Variants in NELL1 observed in about 807,000 individuals in gnomAD.
NELL1 encodes neural EGFL like 1.
In NELL1, 76 loss-of-function variants were observed where a neutral mutation model predicts 107.4. The ratio of observed to expected loss-of-function variants is 0.71; its 90% CI spans 0.59 to 0.86. The LOEUF is 0.86. NELL1 is among the 40% of genes least tolerant of loss of function. The pLI, the probability that NELL1 is intolerant of heterozygous loss-of-function variation, is 0.00. For synonymous variants in NELL1, 353 were observed against 341.2 expected, an observed-to-expected ratio of 1.03 and a Z score of -0.38; for missense variants, 1,024 against 1,005.5, an observed-to-expected ratio of 1.02 and a Z score of -0.25.
chr11:20,850,746 A>G (rs1442478869), intron 4 of NELL1, among the ~76,000 whole-genome samples: 1 of 152,180 alleles, frequency 6.6e-6, no homozygotes, highest in Non-Finnish European at 1.5e-5. Context: ...CTGCTTGGAA[A>G]GATGTGAAAT....
At chr11:21,019,533 A>C (rs1852649745) in intron 12 of NELL1, among the ~76,000 whole-genome samples, 1 of 151,950 alleles carries the variant, frequency 6.6e-6, no homozygotes, top group South Asian at 2.1e-4. Flanking sequence ...GGGCAATTTT[A>C]CCTTTCAGGG....
intron 2 of NELL1, among the ~76,000 whole-genome samples, chr11:20,732,807 C>G (rs977035401): frequency 3.3e-5 from 5 of 152,090 alleles, no homozygotes; most frequent in Admixed American, 2.0e-4. Context: ...AGCTTATTGT[C>G]GGCGGGGAGG....
At chr11:21,077,138 C>T (rs893971002) in intron 12 of NELL1, among the ~76,000 whole-genome samples, 2 of 152,072 alleles carry the variant, frequency 1.3e-5, no homozygotes, top group East Asian at 1.9e-4. Flanking sequence ...TCATTCACAC[C>T]GAGTTGCTCT....
intron 10 of NELL1, among the ~76,000 whole-genome samples, chr11:20,939,297 G>A (rs1850797218): frequency 6.6e-6 from 1 of 151,696 alleles, no homozygotes; most frequent in African/African-American, 2.4e-5. Flanking sequence ...GGCTAACGTA[G>A]GTAAAAATGA....
intron 14 of NELL1, among the ~76,000 whole-genome samples, chr11:21,257,289 G>A (rs971043504): frequency 2.6e-5 from 4 of 152,008 alleles, no homozygotes; most frequent in Non-Finnish European, 4.4e-5. Flanking sequence ...ATATTTTAAA[G>A]CTAGTTTCAT....
chr11:21,339,489 C>T (rs1310154339), intron 14 of NELL1, among the ~76,000 whole-genome samples: 1 of 152,154 alleles, frequency 6.6e-6, no homozygotes. Flanking sequence ...TATGGTAGCC[C>T]AAGGAAACAA....
intron 15 of NELL1, among the ~76,000 whole-genome samples, chr11:21,517,819 A>C (rs1452817960): frequency 6.6e-6 from 1 of 152,010 alleles, no homozygotes; most frequent in Non-Finnish European, 1.5e-5. Context: ...TCTACATACT[A>C]AAGTGGTTTT....
intron 12 of NELL1, among the ~76,000 whole-genome samples, chr11:20,978,012 G>A (rs1400373): frequency 0.17 from 25,311 of 152,138 alleles, 2,416 homozygotes; most frequent in Middle Eastern, 0.28. Context: ...ATTCTGCAAT[G>A]CTATTTCTCA....
At chr11:21,569,633 T>A (rs527875497) in intron 17 of NELL1, among the ~76,000 whole-genome samples, 2 of 151,884 alleles carry the variant, frequency 1.3e-5, no homozygotes, top group Non-Finnish European at 2.9e-5. Context: ...TTCTAAAAAC[T>A]GAAGAATTGA....
intron 3 of NELL1, among the ~76,000 whole-genome samples, chr11:20,823,858 C>T (rs962813734): frequency 6.6e-6 from 1 of 151,196 alleles, no homozygotes; most frequent in African/African-American, 2.4e-5. Flanking sequence ...CCGAAGAAAG[C>T]CTCACACAAT....
chr11:20,750,682 G>T (rs1167901006), intron 2 of NELL1, among the ~76,000 whole-genome samples: 1 of 151,914 alleles, frequency 6.6e-6, no homozygotes, highest in Non-Finnish European at 1.5e-5. Context: ...GAATTCTTGG[G>T]CTCAGGTGAT....
At chr11:21,006,344 G>A (rs1029652074) in intron 12 of NELL1, among the ~76,000 whole-genome samples, 8 of 152,048 alleles carry the variant, frequency 5.3e-5, no homozygotes, top group Admixed American at 1.3e-4. Context: ...CTTCTGCCAC[G>A]TTATAATGCA....
intron 16 of NELL1, among the ~76,000 whole-genome samples, chr11:21,559,668 T>C (rs1856804678): frequency 6.6e-6 from 1 of 152,076 alleles, no homozygotes; most frequent in Non-Finnish European, 1.5e-5. Flanking sequence ...GGTGGTAGGA[T>C]CTAGGAGCAA....
intron 14 of NELL1, among the ~76,000 whole-genome samples, chr11:21,232,158 AAAT>A (rs1373505650): frequency 1.6e-4 from 9 of 55,286 alleles, no homozygotes; most frequent in African/African-American, 7.0e-4. Flanking sequence ...AAAAAAAAAA[AAAT>A]ATATATATAT....
intron 14 of NELL1, among the ~76,000 whole-genome samples, chr11:21,285,686 A>G (rs1005280292): frequency 3.1e-4 from 47 of 152,318 alleles, no homozygotes; most frequent in African/African-American, 1.1e-3. Context: ...TAGACCCACA[A>G]CATTTTGCGA....
intron 14 of NELL1, among the ~76,000 whole-genome samples, chr11:21,235,394 A>T (rs1858179766): frequency 6.6e-6 from 1 of 152,124 alleles, no homozygotes; most frequent in Non-Finnish European, 1.5e-5. Context: ...AAGTCAGAAA[A>T]CAGGTAGATT....
chr11:21,061,999 A>G (rs1023821951), intron 12 of NELL1, among the ~76,000 whole-genome samples: 1 of 152,170 alleles, frequency 6.6e-6, no homozygotes, highest in Non-Finnish European at 1.5e-5. Context: ...CAGACCATAC[A>G]TTCTCCAGAT....
chr11:21,240,936 A>T (rs1590763863), intron 14 of NELL1, among the ~76,000 whole-genome samples: 1 of 152,040 alleles, frequency 6.6e-6, no homozygotes, highest in East Asian at 1.9e-4. Flanking sequence ...AGGGAGTGGA[A>T]ATCTGACACT....
chr11:21,267,905 A>G (rs990927895), intron 14 of NELL1, among the ~76,000 whole-genome samples: 1 of 152,154 alleles, frequency 6.6e-6, no homozygotes, highest in Non-Finnish European at 1.5e-5. Flanking sequence ...CATTTGCATG[A>G]AATGATTTTC....
Sources: allele counts gnomAD v4.1 joint callset (sites outside exome capture counted in the v4.1 genomes callset), GRCh38; gene constraint gnomAD v4.1.1; transcripts MANE v1.5; gene names NCBI Gene and HGNC (gene_info 2026-07-23, HGNC 2026-07-21).